Variants in NUDT3 observed in about 807,000 individuals in gnomAD.
NUDT3 encodes nudix hydrolase 3, also known as diphosphoinositol polyphosphate phosphohydrolase 1.
Under a neutral mutation model 23.6 loss-of-function variants are expected in NUDT3, and 9 were observed. The observed-to-expected ratio is 0.38, with a 90% CI of 0.23 to 0.66. The LOEUF (loss-of-function observed/expected upper bound fraction) is 0.66, where lower values mean the gene tolerates loss of function less well. Among genes scored for constraint, NUDT3 ranks in the 30% least tolerant of loss-of-function variants. NUDT3 has a pLI of 0.52. For missense variants in NUDT3, 172 were observed against 218.5 expected (o/e 0.79, Z 1.34); for synonymous variants, 86 against 82.6 (o/e 1.04, Z -0.22).
At chr6:34,323,737 T>C (rs1763981156) in intron 2 of NUDT3, among the ~76,000 whole-genome samples, 1 of 152,140 alleles carries the variant, frequency 6.6e-6, no homozygotes, top group Non-Finnish European at 1.5e-5. Flanking sequence ...AAAGTAACAA[T>C]ATAGAAAGAT....
At chr6:34,328,183 G>T (rs1383146605) in intron 2 of NUDT3, among the ~76,000 whole-genome samples, 1 of 152,004 alleles carries the variant, frequency 6.6e-6, no homozygotes, top group Non-Finnish European at 1.5e-5. Context: ...GAACCACCAC[G>T]CCCGGCCAAG....
intron 1 of NUDT3, among the ~76,000 whole-genome samples, chr6:34,385,730 C>A (rs1765094720): frequency 6.6e-6 from 1 of 150,956 alleles, no homozygotes; most frequent in South Asian, 2.1e-4. Flanking sequence ...GTCACCTAGG[C>A]TGGAGTGCAG....
chr6:34,336,698 CTTT>C, intron 2 of NUDT3, among the ~76,000 whole-genome samples: 1 of 151,698 alleles, frequency 6.6e-6, no homozygotes, highest in East Asian at 1.9e-4. Context: ...TTTCACAAGA[CTTT>C]TTTTCATTGA....
Position 34,288,847 on chromosome 6 carries a change from G to T in NUDT3, c.425C>A (p.Thr142Lys). The change falls in exon 5 of 5, where the codon ACA becomes AAA. Residue 142 changes from threonine to lysine, a missense_variant. Thr to Lys is a moderately conservative substitution (Grantham distance 78). Around this residue, in one of 3 missense-constraint regions of NUDT3, gnomAD observed 63 missense variants for 64.9 expected, o/e 0.97. Transcript: ENST00000607016. ...HKPVQASYFETLRQGYSANNG... is the reference protein window; with the variant it reads ...HKPVQASYFEKLRQGYSANNG... The stretch of plus-strand genomic sequence containing the variant: ...GTTGGCTGAGTAGCCTTGCCTCAAT[G>T]TTTCAAAATATGATGCCTGCACGGG... The T allele has an allele frequency of 1.2e-6, 2 of 1,614,096 alleles. No individual in the cohort carries two copies. Among genetic ancestry groups the T allele is most frequent in the Non-Finnish European group, 1.7e-6 (2 of 1,180,006 alleles).
intron 1 of NUDT3, among the ~76,000 whole-genome samples, chr6:34,382,000 G>C (rs1012524991): frequency 2.0e-5 from 3 of 146,342 alleles, no homozygotes; most frequent in African/African-American, 7.7e-5. Context: ...CTGAACCCGG[G>C]AGACGGGGGT....
Position 34,351,224 on chromosome 6 carries a change from A to AAAAAAAAAAAAAAC in NUDT3, c.100-9253_100-9252insGTTTTTTTTTTTTT, listed in dbSNP as rs1374203552. 1.1e-4 allele frequency among the ~76,000 whole-genome samples: 15 copies of AAAAAAAAAAAAAAC among 136,350 alleles called. 1 individual carries two copies. Among genetic ancestry groups the AAAAAAAAAAAAAAC allele is most frequent in the Non-Finnish European group, 1.6e-4 (10 of 64,352 alleles). 89.5% of individuals were successfully genotyped at this position (136,350 alleles called of 152,430 possible). ...AAAAAAAAAAAAAAAAAAAAAAAAA[A>AAAAAAAAAAAAAAC]AACACTTTGGGAGGCCAAGATGGGA... On this transcript the variant is annotated intron_variant, in intron 1 of 4. Coordinates refer to ENST00000607016, the MANE Select transcript of NUDT3 (RefSeq NM_006703.4).
intron 2 of NUDT3, among the ~76,000 whole-genome samples, chr6:34,318,800 T>C (rs1252493725): frequency 6.6e-5 from 10 of 152,102 alleles, no homozygotes; most frequent in African/African-American, 2.4e-4. Flanking sequence ...TGGACTCAAA[T>C]GATCCTCCCA....
chr6:34,321,039 G>A (rs574483475), intron 2 of NUDT3, among the ~76,000 whole-genome samples: 50 of 152,276 alleles, frequency 3.3e-4, no homozygotes, highest in East Asian at 2.3e-3. Flanking sequence ...GGAGGGACAG[G>A]AGGGAACCGC....
At chr6:34,289,038 T>C (rs1200915076) in intron 4 of NUDT3, 107 bp from the exon 5 acceptor site, 2 of 1,347,222 alleles carry the variant, frequency 1.5e-6, no homozygotes, top group Non-Finnish European at 2.0e-6. Flanking sequence ...CTTAACACTT[T>C]TTTTCCTTAC....
intron 1 of NUDT3, among the ~76,000 whole-genome samples, chr6:34,360,103 C>G (rs954282609): frequency 6.6e-6 from 1 of 151,820 alleles, no homozygotes; most frequent in African/African-American, 2.4e-5. Flanking sequence ...GTGACACATG[C>G]CTGTAGTCCC....
intron 1 of NUDT3, among the ~76,000 whole-genome samples, chr6:34,391,923 G>A (rs1212393994): frequency 6.6e-6 from 1 of 152,082 alleles, no homozygotes; most frequent in East Asian, 1.9e-4. Context: ...CAGGATCAAA[G>A]CCGTTGGCCT....
chr6:34,288,295 G>C lies in NUDT3; in HGVS notation c.*458C>G, dbSNP rs1763363089. On this transcript the variant is annotated 3_prime_UTR_variant, in exon 5 of 5. Transcript: ENST00000607016. ...TAGATAAATGTATACTGCAGTGAAA[G>C]TGACCACTCTACTGAACTGTACAGC... is the stretch of plus-strand genomic sequence containing the variant. 1 of 152,472 alleles carries C rather than the reference G, an allele frequency of 6.6e-6. No individual in the cohort carries two copies. The highest frequency in any genetic ancestry group is 6.5e-5 in the Admixed American group (1 of 15,286). The allele number at this position is 152,472 out of a possible 1,614,324, so 9.4% of individuals were successfully genotyped here.
intron 1 of NUDT3, among the ~76,000 whole-genome samples, chr6:34,375,603 G>A (rs1308078900): frequency 6.6e-6 from 1 of 152,184 alleles, no homozygotes; most frequent in Non-Finnish European, 1.5e-5. Context: ...GATTGGAAGA[G>A]TAAATATGGT....
chr6:34,345,480 G>A (rs1268438618), intron 1 of NUDT3, among the ~76,000 whole-genome samples: 3 of 150,636 alleles, frequency 2.0e-5, no homozygotes, highest in African/African-American at 4.9e-5. Context: ...TGGCTAACAC[G>A]GTGAAACCCC....
chr6:34,365,933 C>A (rs1442038856), intron 1 of NUDT3, among the ~76,000 whole-genome samples: 2 of 152,092 alleles, frequency 1.3e-5, no homozygotes, highest in African/African-American at 4.8e-5. Context: ...CCCAGCTACT[C>A]AGGAGACTGA....
chr6:34,387,288 A>G lies in NUDT3; in HGVS notation c.99+4976T>C, dbSNP rs1434854047. On this transcript the variant is annotated intron_variant, in intron 1 of 4. Transcript: ENST00000607016. The stretch of plus-strand genomic sequence containing the variant: ...AACAGTCTCAGAAGAAGGGATTGTT[A>G]TCATAGGAGATGATAGCTCCACGCC... Among the ~76,000 whole-genome samples, 3 of 152,234 alleles carry G rather than the reference A, an allele frequency of 2.0e-5. No individual in the cohort carries two copies. In the East Asian group the frequency reaches 5.8e-4, roughly 29 times the overall value.
In NUDT3 at chr6:34,371,987, C is replaced by T. The variant is rs897481184; in HGVS notation, c.99+20277G>A. On this transcript the variant is annotated intron_variant, in intron 1 of 4. Transcript: ENST00000607016. Reference sequence around the variant, plus strand: ...CAATTCCCACCTATAAGTGAGAACACGCAGTGTTTGGTTTTCTGTCCTTGC... The same window carrying T: ...CAATTCCCACCTATAAGTGAGAACATGCAGTGTTTGGTTTTCTGTCCTTGC... Among the ~76,000 whole-genome samples, 8 of 152,164 alleles carry T rather than the reference C, an allele frequency of 5.3e-5. 1 individual carries two copies. The highest frequency in any genetic ancestry group is 4.1e-4 in the South Asian group (2 of 4,832).
intron 2 of NUDT3, among the ~76,000 whole-genome samples, chr6:34,329,143 T>TA (rs1189506602): frequency 6.6e-6 from 1 of 152,230 alleles, no homozygotes; most frequent in Non-Finnish European, 1.5e-5. Flanking sequence ...GCTTTCCTGT[T>TA]AGAGACTGTT....
rs1156871757 is a variant in NUDT3, at chr6:34,285,664, T to C, written c.*3089A>G. On this transcript the variant is annotated 3_prime_UTR_variant, in exon 5 of 5. Transcript: ENST00000607016. ...TGTGCTTTCTTTTGATTATTTTCTT[T>C]GGGGAGATAAAGGTATTGCAACCAT... 6.6e-6 allele frequency: 1 copy of C among 152,344 alleles called. No individual in the cohort carries two copies. Among genetic ancestry groups the C allele is most frequent in the East Asian group, 1.9e-4 (1 of 5,192 alleles). The allele number at this position is 152,344 out of a possible 1,614,324, so 9.4% of individuals were successfully genotyped here.
Sources: allele counts gnomAD v4.1 joint callset (sites outside exome capture counted in the v4.1 genomes callset), GRCh38; gene constraint gnomAD v4.1.1; regional missense constraint gnomAD v4.1.1; transcripts MANE v1.5; gene names NCBI Gene and HGNC (gene_info 2026-07-23, HGNC 2026-07-21).